Variants in MBD3 observed in about 807,000 individuals in gnomAD.
MBD3 encodes the protein methyl-CpG-binding domain protein 3.
A neutral mutation model predicts 31.2 loss-of-function variants in MBD3; 13 were observed. The ratio of observed to expected loss-of-function variants is 0.42; its 90% confidence interval spans 0.27 to 0.66. The LOEUF (loss-of-function observed/expected upper bound fraction) is 0.66, where lower values mean the gene tolerates loss of function less well. Ranked by LOEUF, MBD3 falls within the 30% of genes least tolerant of loss-of-function variation. The probability of loss-of-function intolerance (pLI) is 0.26; values close to 1 mark genes in which losing one functional copy is unlikely to be tolerated. For missense variants in MBD3, 440 were observed against 426.5 expected (o/e 1.03, Z -0.28); for synonymous variants, 223 against 187.4 (o/e 1.19, Z -1.55).
At chr19:1,591,391 A>C (rs1487953582) in intron 1 of MBD3, among the ~76,000 whole-genome samples, 1 of 152,126 alleles carries the variant, frequency 6.6e-6, no homozygotes, top group African/African-American at 2.4e-5. Flanking sequence ...TTCTCACTTT[A>C]TCTCCCCAAA....
rs2060676708 is a variant in MBD3, at chr19:1,585,816, CG to C, written c.111-603del. 1 of 155,804 alleles carries C rather than the reference CG, an allele frequency of 6.4e-6. No individual in the cohort carries two copies. The highest frequency in any genetic ancestry group is 1.9e-4 in the South Asian group (1 of 5,172). 9.7% of individuals were successfully genotyped at this position (155,804 alleles called of 1,614,324 possible). A position where few individuals can be genotyped will look rare whatever the true frequency, so the allele number is the denominator to read the frequency against. On this transcript the variant is annotated intron_variant, in intron 1 of 6. Transcript: ENST00000434436. The surrounding 1 kb of genome is among the most constrained non-coding windows in gnomAD (Gnocchi z 4.1). ...GCAGGGCCAGACTGGGAAGGGGTCT[CG>C]TTCTAAGATCTGGGGCCAGGCCCTA...
At position 1,578,456 on chromosome 19, in the gene MBD3, G is replaced by C; in HGVS notation, c.760C>G (p.Leu254Val). The part of the protein sequence containing the change: ...MADMLAHVEE[L>V]ARDGEAPLDK... ...AGCGGCGCCTCCCCGTCACGGGCCA[G>C]CTCCTCCACGTGCGCCAGCATGTCG... Residue 254 changes from leucine to valine, a missense_variant, in exon 6 of 7, where the codon CTG (leucine) becomes GTG (valine). Leu to Val is a conservative substitution (Grantham distance 32). Coordinates refer to ENST00000434436, the MANE Select transcript of MBD3 (RefSeq NM_001281453.2). The surrounding 1 kb of genome is among the most constrained non-coding windows in gnomAD (Gnocchi z 6.1). 1 of 1,608,748 alleles carries C rather than the reference G, an allele frequency of 6.2e-7. No homozygotes were observed.
At chr19:1,588,258 C>T (rs923480865) in intron 1 of MBD3, among the ~76,000 whole-genome samples, 1 of 152,182 alleles carries the variant, frequency 6.6e-6, no homozygotes, top group Non-Finnish European at 1.5e-5. Flanking sequence ...CCACTGAGGG[C>T]TCTTCCCGGA....
rs565341754 is a variant in MBD3, at chr19:1,584,744, G to A, written c.271-67C>T. On this transcript the variant is annotated intron_variant, in intron 2 of 6. Coordinates refer to ENST00000434436, the MANE Select transcript of MBD3 (RefSeq NM_001281453.2). ...GGCGGCGCGGAGCCTCAGGGGGTGC[G>A]GGGCCCGGGTGACCCCCTGCTTTGC... 36 of 1,519,338 alleles carry A rather than the reference G, an allele frequency of 2.4e-5. No homozygotes were observed. In the East Asian group the frequency reaches 5.5e-4, roughly 23 times the overall value. The allele number at this position is 1,519,338 out of a possible 1,614,324, so 94.1% of individuals were successfully genotyped here. A position where few individuals can be genotyped will look rare whatever the true frequency, so the allele number is the denominator to read the frequency against.
At chr19:1,584,937 C>T (rs2060671289) in intron 2 of MBD3, 118 bp downstream of exon 2, 1 of 1,411,786 alleles carries the variant, frequency 7.1e-7, no homozygotes. Flanking sequence ...GTGCCCTCCG[C>T]CCGCTGTGAC....
intron 4 of MBD3, chr19:1,581,793 G>A (rs1168740050): frequency 2.1e-5 from 4 of 189,924 alleles, no homozygotes; most frequent in Admixed American, 5.5e-5. Flanking sequence ...TTTTTGAGAC[G>A]GAGTCTCCCT....
intron 1 of MBD3, among the ~76,000 whole-genome samples, chr19:1,589,289 G>GCATTGCACTGCAA (rs1266344043): frequency 1.5e-5 from 2 of 135,452 alleles, no homozygotes; most frequent in African/African-American, 5.7e-5. Context: ...CCAGATTGCA[G>GCATTGCACTGCAA]CATTGCACTG....
intron 5 of MBD3, among the ~76,000 whole-genome samples, chr19:1,580,302 G>C (rs1045162624): frequency 1.3e-5 from 2 of 152,168 alleles, no homozygotes; most frequent in African/African-American, 4.8e-5. Context: ...TGTGCTTGTG[G>C]GGGTGGCGTC....
chr19:1,575,144 A>C lies in MBD3; in HGVS notation c.*3020T>G, dbSNP rs2145585236. ...GCTCTTGCTGCTGCTGGCAAGTGCCAGAAGGGCTGCCATGGTGGTTCACAC... is the reference window on the plus strand; with the variant it reads ...GCTCTTGCTGCTGCTGGCAAGTGCCCGAAGGGCTGCCATGGTGGTTCACAC... On this transcript the variant is annotated 3_prime_UTR_variant, in exon 7 of 7. Coordinates refer to ENST00000434436, the MANE Select transcript of MBD3 (RefSeq NM_001281453.2). The C allele has an allele frequency of 2.4e-6, 1 of 424,438 alleles. No homozygotes were observed. 26.3% of individuals were successfully genotyped at this position (424,438 alleles called of 1,614,324 possible). A position where few individuals can be genotyped will look rare whatever the true frequency, so the allele number is the denominator to read the frequency against.
chr19:1,582,901 G>T (rs765173827), intron 3 of MBD3, among the ~76,000 whole-genome samples, 189 bp from the exon 4 acceptor site: 5 of 152,120 alleles, frequency 3.3e-5, no homozygotes, highest in Non-Finnish European at 7.4e-5. Context: ...TCCAGTGGAC[G>T]TTTGTAAATA....
intron 2 of MBD3, 107 bp from the exon 3 acceptor site, chr19:1,584,784 T>TC: frequency 8.3e-7 from 1 of 1,207,178 alleles, no homozygotes; most frequent in East Asian, 3.0e-5. Flanking sequence ...GCCCCTCGTG[T>TC]CCCCCGCGCC....
intron 1 of MBD3, among the ~76,000 whole-genome samples, chr19:1,589,504 T>C (rs969804744): frequency 6.6e-6 from 1 of 150,662 alleles, no homozygotes; most frequent in East Asian, 2.0e-4. Flanking sequence ...AATATAAAAA[T>C]TAGCTGGGGG....
rs150912673 is a variant in MBD3 at position 1,586,913 on chromosome 19, C to T, written c.111-1699G>A. 7.4e-3 allele frequency among the ~76,000 whole-genome samples: 1,116 copies of T among 151,604 alleles called. 7 individuals are homozygous for T. The highest frequency in any genetic ancestry group is 0.012 in the Non-Finnish European group (819 of 67,928). ...AACTCCTGACCTCAGGTGATCTGTC[C>T]GCCTCAGCCTCCCAAAGTGCTGGGA... On this transcript the variant is annotated intron_variant, in intron 1 of 6. Coordinates refer to ENST00000434436, the MANE Select transcript of MBD3 (RefSeq NM_001281453.2).
chr19:1,587,660 C>T (rs183039616), intron 1 of MBD3, among the ~76,000 whole-genome samples: 8 of 152,350 alleles, frequency 5.3e-5, no homozygotes, highest in African/African-American at 1.9e-4. Flanking sequence ...AGAGATCCTC[C>T]TGCCTCGACC....
intron 4 of MBD3, among the ~76,000 whole-genome samples, chr19:1,582,047 G>A (rs181087242): frequency 2.5e-4 from 38 of 152,202 alleles, no homozygotes; most frequent in Non-Finnish European, 4.6e-4. Context: ...GATTACAGGC[G>A]TGAGCCACTG....
chr19:1,592,721 TGCCGCC>T lies in MBD3; in HGVS notation c.-96_-91del, dbSNP rs961360814. On this transcript the variant is annotated 5_prime_UTR_variant, in exon 1 of 7. Transcript: ENST00000434436. ...CCGCCTCAGCTGCCTCCGCTGCCGC[TGCCGCC>T]GCCGCCACTTGCCGCGGCTGTTCCG... 43 of 305,684 alleles carry T rather than the reference TGCCGCC, an allele frequency of 1.4e-4. No homozygotes were observed. The highest frequency in any genetic ancestry group is 3.7e-4 in the African/African-American group (16 of 43,590). 18.9% of individuals were successfully genotyped at this position (305,684 alleles called of 1,614,324 possible).
chr19:1,592,423 G>GCAC, intron 1 of MBD3, 99 bp downstream of exon 1: 1 of 337,018 alleles, frequency 3.0e-6, no homozygotes, highest in Non-Finnish European at 4.7e-6. Flanking sequence ...ACGCACGCGC[G>GCAC]GGGCCCAGGC....
chr19:1,582,687 C>A lies in MBD3; in HGVS notation c.434G>T (p.Gly145Val), dbSNP rs1467683748. 6.2e-7 allele frequency: 1 copy of A among 1,613,846 alleles called. No individual in the cohort carries two copies. Residue 145 changes from glycine (G) to valine (V), a missense_variant, in exon 4 of 7, where the codon GGC becomes GTC. Transcript: ENST00000434436. ...CTCAGCAATGTCGAAGGCGTTCAGG[C>A]CGCTCAGCTTCTTCTCCCAGAAGAG... ...RQLFWEKKLS[G>V]LNAFDIAEEL...
At position 1,582,632 on chromosome 19, in the gene MBD3, C is replaced by T. The variant is rs746133786; in HGVS notation, c.489G>A (p.Lys163=). The T allele has an allele frequency of 1.9e-6, 3 of 1,613,844 alleles. No individual in the cohort carries two copies. The South Asian group carries it at 3.3e-5, about 18-fold the overall frequency. ...AGGGTGCCCGCTCACCCTGCAGGCC[C>T]TTGGGGAGGTCCATGGTCTTGACCA... ...EELVKTMDLP[K]GLQGVGPGCT... Residue 163 remains lysine (K), a synonymous_variant, in exon 4 of 7, where the codon AAG becomes AAA. Transcript: ENST00000434436.
Sources: gnomAD v4.1 joint callset for allele counts (sites outside exome capture counted in the v4.1 genomes callset) on GRCh38, gnomAD v4.1.1 for gene constraint, Gnocchi (gnomAD v3.1) non-coding constraint, MANE v1.5 for transcripts, NCBI Gene and HGNC (gene_info 2026-07-23, HGNC 2026-07-21) for gene names.